TGFBR2: variants seen among roughly 807,000 people sequenced by gnomAD.
TGFBR2 encodes the protein TGF-beta receptor type-2.
TGFBR2 carries 18 observed loss-of-function variants against 49.0 expected under a neutral mutation model. The observed-to-expected ratio is 0.37, with a 90% confidence interval of 0.25 to 0.54. TGFBR2 has a LOEUF of 0.54. Ranked by LOEUF, TGFBR2 falls within the 20% of genes least tolerant of loss-of-function variation. The pLI is 0.85. For synonymous variants in TGFBR2, 282 were observed against 275.9 expected, an observed-to-expected ratio of 1.02 and a Z score of -0.22; for missense variants, 525 against 722.6, an observed-to-expected ratio of 0.73 and a Z score of 3.13.
intron 1 of TGFBR2, among the ~76,000 whole-genome samples, chr3:30,619,499 C>T (rs1698189838): frequency 6.6e-6 from 1 of 152,126 alleles, no homozygotes; most frequent in South Asian, 2.1e-4. Context: ...TAAGAGAGTG[C>T]CTTGTGCTGA....
At chr3:30,613,234 C>T (rs1480810722) in intron 1 of TGFBR2, among the ~76,000 whole-genome samples, 3 of 151,612 alleles carry the variant, frequency 2.0e-5, no homozygotes, top group East Asian at 3.9e-4. Context: ...ACACAACTGG[C>T]CTCTGTCCTG....
chr3:30,625,338 A>G (rs1235915003), intron 1 of TGFBR2, among the ~76,000 whole-genome samples: 1 of 152,210 alleles, frequency 6.6e-6, no homozygotes, highest in African/African-American at 2.4e-5. Flanking sequence ...AGGGAAGGCT[A>G]TCCACAACTG....
chr3:30,609,307 T>C (rs1697989932), intron 1 of TGFBR2, among the ~76,000 whole-genome samples: 1 of 152,234 alleles, frequency 6.6e-6, no homozygotes, highest in Admixed American at 6.5e-5. Context: ...GTAAATAGTT[T>C]CAGAATTTCT....
At chr3:30,681,569 G>A (rs1400050510) in intron 5 of TGFBR2, among the ~76,000 whole-genome samples, 1 of 152,142 alleles carries the variant, frequency 6.6e-6, no homozygotes, top group Non-Finnish European at 1.5e-5. Context: ...GGGCGGTTGC[G>A]GGTGGCTTCC....
At chr3:30,678,714 A>C (rs896949062) in intron 5 of TGFBR2, among the ~76,000 whole-genome samples, 1 of 152,148 alleles carries the variant, frequency 6.6e-6, no homozygotes, top group East Asian at 1.9e-4. Flanking sequence ...GATGACTGCC[A>C]TTGGTAATAT....
At chr3:30,658,298 T>A (rs1699046307) in intron 3 of TGFBR2, among the ~76,000 whole-genome samples, 1 of 152,236 alleles carries the variant, frequency 6.6e-6, no homozygotes. Context: ...AATATCACTC[T>A]TGCTTACCAG....
At chr3:30,680,669 T>C (rs891927526) in intron 5 of TGFBR2, among the ~76,000 whole-genome samples, 12 of 151,902 alleles carry the variant, frequency 7.9e-5, no homozygotes, top group African/African-American at 1.5e-4. Flanking sequence ...TCAGACATTT[T>C]AATCCTCTGA....
chr3:30,606,784 G>A lies in TGFBR2; in HGVS notation c.-100G>A, dbSNP rs1247475340. 6.9e-6 allele frequency: 6 copies of A among 869,212 alleles called. No homozygotes were observed. Among genetic ancestry groups the A allele is most frequent in the Non-Finnish European group, 7.8e-6 (5 of 640,916 alleles). The allele number at this position is 869,212 out of a possible 1,614,324, so 53.8% of individuals were successfully genotyped here. A position where few individuals can be genotyped will look rare whatever the true frequency, so the allele number is the denominator to read the frequency against. ...ACATCTGCGCTGCCGGCCCGGCGCGGGGTCCGGAGAGGGCGCGGCGCGGAG... is the reference window on the plus strand; with the variant it reads ...ACATCTGCGCTGCCGGCCCGGCGCGAGGTCCGGAGAGGGCGCGGCGCGGAG... On this transcript the variant is annotated 5_prime_UTR_variant, in exon 1 of 7. Coordinates refer to ENST00000295754, the MANE Select transcript of TGFBR2 (RefSeq NM_003242.6).
chr3:30,666,180 T>C (rs1241767747), intron 3 of TGFBR2, among the ~76,000 whole-genome samples: 3 of 152,202 alleles, frequency 2.0e-5, no homozygotes, highest in Non-Finnish European at 4.4e-5. Context: ...ATGTTTACTA[T>C]TATAGCCTCA....
At chr3:30,618,204 C>G (rs1418077250) in intron 1 of TGFBR2, among the ~76,000 whole-genome samples, 1 of 151,686 alleles carries the variant, frequency 6.6e-6, no homozygotes, top group Non-Finnish European at 1.5e-5. Flanking sequence ...CTGTAGAACC[C>G]AAGGACCCAT....
At chr3:30,655,366 C>T (rs1327658099) in intron 3 of TGFBR2, among the ~76,000 whole-genome samples, 1 of 152,214 alleles carries the variant, frequency 6.6e-6, no homozygotes, top group Non-Finnish European at 1.5e-5. Flanking sequence ...GAGGGGCTCA[C>T]TTTGCTTTAA....
Position 30,633,026 on chromosome 3 carries a change from C to G in TGFBR2, c.95-11721C>G, listed in dbSNP as rs185380014. 3.5e-3 allele frequency among the ~76,000 whole-genome samples: 527 copies of G among 152,290 alleles called. 2 individuals are homozygous for G. The highest frequency in any genetic ancestry group is 0.012 in the African/African-American group (509 of 41,542). ...CTTTCTTCAACTCCTAGTAGTCACA[C>G]CTGTGTCTTTGCCTTGTACTGGAAT... On this transcript the variant is annotated intron_variant, in intron 1 of 6. Coordinates refer to ENST00000295754, the MANE Select transcript of TGFBR2 (RefSeq NM_003242.6).
chr3:30,691,320 C>A, intron 6 of TGFBR2, 100 bp from the exon 7 acceptor site: 1 of 1,349,982 alleles, frequency 7.4e-7, no homozygotes, highest in Non-Finnish European at 1.0e-6. Flanking sequence ...CACTTTTGGA[C>A]CCTGCTTGCA....
In TGFBR2 at chr3:30,678,950, C is replaced by G. The variant is rs141057862; in HGVS notation, c.1396+4704C>G. Among the ~76,000 whole-genome samples, 806 of 152,318 alleles carry G rather than the reference C, an allele frequency of 5.3e-3. 5 individuals carry two copies. The highest frequency in any genetic ancestry group is 0.027 in the Middle Eastern group (8 of 294). ...TGAAGTAGGATACAAGGATTAGGGA[C>G]AGAAGATTTCACAGAAAACTGTGAA... is the stretch of plus-strand genomic sequence containing the variant. On this transcript the variant is annotated intron_variant, in intron 5 of 6. Transcript: ENST00000295754.
chr3:30,612,561 AG>A (rs768623583), intron 1 of TGFBR2, among the ~76,000 whole-genome samples: 4 of 152,178 alleles, frequency 2.6e-5, no homozygotes, highest in Non-Finnish European at 4.4e-5. Context: ...AATCAAGATA[AG>A]GCAGAGTTTC....
In TGFBR2 at chr3:30,672,591, C is replaced by T. The variant is rs1202375392; in HGVS notation, c.1254+154C>T. 6.6e-6 allele frequency among the ~76,000 whole-genome samples: 1 copy of T among 152,250 alleles called. No individual in the cohort carries two copies. Among genetic ancestry groups the T allele is most frequent in the Admixed American group, 6.5e-5 (1 of 15,290 alleles). On this transcript the variant is annotated intron_variant, in intron 4 of 6. Coordinates refer to ENST00000295754, the MANE Select transcript of TGFBR2 (RefSeq NM_003242.6). The surrounding 1 kb of genome is among the most constrained non-coding windows in gnomAD (Gnocchi z 4.5). ...AAGTATGGAGTCTGCCTTGAGCATA[C>T]TCTGCTCTGTCCTGCCTGAGCATTT...
chr3:30,647,776 G>C (rs760190989), intron 2 of TGFBR2, among the ~76,000 whole-genome samples: 2 of 151,988 alleles, frequency 1.3e-5, no homozygotes, highest in African/African-American at 4.8e-5. Context: ...TCCCGGGTTC[G>C]TGCGATTCTC....
At chr3:30,632,887 T>G (rs952313299) in intron 1 of TGFBR2, among the ~76,000 whole-genome samples, 6 of 152,222 alleles carry the variant, frequency 3.9e-5, no homozygotes, top group Admixed American at 3.9e-4. Context: ...ACCTTAAAAC[T>G]CTTGGGCTTC....
intron 6 of TGFBR2, 97 bp downstream of exon 6, chr3:30,688,608 GGTCCCATTGT>G: frequency 6.5e-7 from 1 of 1,541,312 alleles, no homozygotes; most frequent in Non-Finnish European, 8.9e-7. Context: ...TCTGAGGGAA[GGTCCCATTGT>G]GTTCTATGGC....
Sources: gnomAD v4.1 joint callset for allele counts (sites outside exome capture counted in the v4.1 genomes callset) on GRCh38, gnomAD v4.1.1 for gene constraint, Gnocchi (gnomAD v3.1) non-coding constraint, MANE v1.5 for transcripts, NCBI Gene and HGNC (gene_info 2026-07-23, HGNC 2026-07-21) for gene names.